Variants in USP10 observed in about 807,000 individuals in gnomAD.
The protein encoded by USP10 is ubiquitin specific peptidase 10, also known as ubiquitin carboxyl-terminal hydrolase 10.
USP10 carries 22 observed loss-of-function variants against 84.5 expected under a neutral mutation model. The observed-to-expected ratio is 0.26, with a 90% CI of 0.19 to 0.37. The LOEUF (loss-of-function observed/expected upper bound fraction) is 0.37, where lower values mean the gene tolerates loss of function less well. Ranked by LOEUF, USP10 falls within the 10% of genes least tolerant of loss-of-function variation. The pLI, the probability that USP10 is intolerant of heterozygous loss-of-function variation, is 1.00. For synonymous variants in USP10, 454 were observed against 387.6 expected (o/e 1.17, Z -2.01); for missense variants, 1,019 against 998.9 (o/e 1.02, Z -0.27).
intron 1 of USP10, chr16:84,705,010 G>A: frequency 8.8e-7 from 1 of 1,137,094 alleles, no homozygotes; most frequent in Non-Finnish European, 1.2e-6. Context: ...AATGGTGGCT[G>A]CTCCTAAGAG....
intron 2 of USP10, among the ~76,000 whole-genome samples, chr16:84,733,937 A>G (rs191317003): frequency 1.2e-4 from 19 of 152,314 alleles, no homozygotes; most frequent in African/African-American, 4.1e-4. Context: ...CTAACGTTGT[A>G]TTCTTTATGC....
intron 1 of USP10, among the ~76,000 whole-genome samples, chr16:84,701,502 T>G (rs1159094264): frequency 6.6e-6 from 1 of 152,222 alleles, no homozygotes; most frequent in Non-Finnish European, 1.5e-5. Flanking sequence ...GATATTTGCT[T>G]TTTTCTCAAC....
At chr16:84,756,445 T>C (rs1484804524) in intron 4 of USP10, among the ~76,000 whole-genome samples, 1 of 152,024 alleles carries the variant, frequency 6.6e-6, no homozygotes, top group East Asian at 1.9e-4. Flanking sequence ...ATACAAAAAT[T>C]AGCCGGGCGT....
chr16:84,767,348 A>T (rs1347237280), intron 10 of USP10, among the ~76,000 whole-genome samples: 4 of 152,200 alleles, frequency 2.6e-5, no homozygotes, highest in Non-Finnish European at 4.4e-5. Flanking sequence ...GAAAAAAAAA[A>T]TGAAATGAAA....
At chr16:84,745,707 A>G in intron 4 of USP10, 34 bp downstream of exon 4, 1 of 1,566,522 alleles carries the variant, frequency 6.4e-7, no homozygotes, top group Non-Finnish European at 8.7e-7. Context: ...TAGAGTGAAG[A>G]TGGGAGCAGA....
chr16:84,750,612 G>A (rs1403419581), intron 4 of USP10, among the ~76,000 whole-genome samples: 1 of 152,040 alleles, frequency 6.6e-6, no homozygotes, highest in Admixed American at 6.6e-5. Flanking sequence ...CTTTTCCTGG[G>A]TCTTTACTAA....
intron 13 of USP10, among the ~76,000 whole-genome samples, 195 bp from the exon 14 acceptor site, chr16:84,778,700 A>G (rs1409189062): frequency 6.6e-6 from 1 of 152,176 alleles, no homozygotes; most frequent in African/African-American, 2.4e-5. Flanking sequence ...CAGTTATAGA[A>G]AAGTTTTTAT....
At position 84,772,625 on chromosome 16, in the gene USP10, G is replaced by C. The variant is rs1382131376; in HGVS notation, c.2083G>C (p.Gly695Arg). 1 of 1,613,884 alleles carries C rather than the reference G, an allele frequency of 6.2e-7. No individual in the cohort carries two copies. Among genetic ancestry groups the C allele is most frequent in the Admixed American group, 1.7e-5 (1 of 60,004 alleles). ...HLKRFVYEKT[G>R]GCQKLIKNIE... ...GAAACGATTCGTTTATGAGAAGACT[G>C]GTGGGTGCCAGAAGCTTATCAAAAA... Residue 695 changes from glycine to arginine, a missense_variant, in exon 12 of 14, where the codon GGT becomes CGT. By Grantham distance (125) the Gly-to-Arg change is moderately radical. This residue lies in a region of USP10 where 232 missense variants were observed against 290.1 expected (regional missense o/e 0.80). Coordinates refer to ENST00000219473, the MANE Select transcript of USP10 (RefSeq NM_005153.3).
intron 1 of USP10, among the ~76,000 whole-genome samples, chr16:84,719,124 C>T (rs1271175956): frequency 6.6e-6 from 1 of 152,030 alleles, no homozygotes; most frequent in African/African-American, 2.4e-5. Flanking sequence ...TTGTTTTTGC[C>T]TTTATTAACT....
chr16:84,746,567 T>C (rs1911250684), intron 4 of USP10, among the ~76,000 whole-genome samples: 1 of 152,162 alleles, frequency 6.6e-6, no homozygotes, highest in Admixed American at 6.5e-5. Flanking sequence ...AGAAAAAATA[T>C]AGTACAGATA....
chr16:84,702,993 C>CAAAAAAAAAAA lies in USP10; in HGVS notation c.21+2892_21+2902dup, dbSNP rs1157728872. Among the ~76,000 whole-genome samples, 166 of 52,036 alleles carry CAAAAAAAAAAA rather than the reference C, an allele frequency of 3.2e-3. 8 individuals are homozygous for CAAAAAAAAAAA. Among genetic ancestry groups the CAAAAAAAAAAA allele is most frequent in the African/African-American group, 0.012 (136 of 11,626 alleles). The allele number at this position is 52,036 out of a possible 152,430, so 34.1% of individuals were successfully genotyped here. ...GGGCGACAGAGCAAGACTCCCGTCT[C>CAAAAAAAAAAA]AAAAAAAAAAAAAAAAAAAAGAGCG... On this transcript the variant is annotated intron_variant, in intron 1 of 13. Transcript: ENST00000219473.
chr16:84,739,538 G>C (rs1238133867), intron 2 of USP10, among the ~76,000 whole-genome samples: 1 of 152,088 alleles, frequency 6.6e-6, no homozygotes, highest in Admixed American at 6.5e-5. Context: ...CTCCCTCATT[G>C]CTGGGATTAC....
intron 1 of USP10, among the ~76,000 whole-genome samples, chr16:84,724,904 C>T (rs16974453): frequency 0.19 from 29,580 of 152,186 alleles, 3,506 homozygotes; most frequent in East Asian, 0.37. Flanking sequence ...AAGTTGAAAG[C>T]ACACAATGAT....
chr16:84,736,393 G>T (rs1187678939), intron 2 of USP10, among the ~76,000 whole-genome samples: 1 of 152,214 alleles, frequency 6.6e-6, no homozygotes, highest in Non-Finnish European at 1.5e-5. Flanking sequence ...TTGTCTTTTA[G>T]TTTGCTTGCT....
intron 2 of USP10, among the ~76,000 whole-genome samples, chr16:84,735,049 G>A (rs961875428): frequency 2.7e-5 from 4 of 148,762 alleles, no homozygotes; most frequent in Admixed American, 2.7e-4. Flanking sequence ...TCTTTTTTTC[G>A]AGACAGGGTC....
chr16:84,701,183 T>A (rs1210794706), intron 1 of USP10, among the ~76,000 whole-genome samples: 1 of 152,244 alleles, frequency 6.6e-6, no homozygotes, highest in African/African-American at 2.4e-5. Flanking sequence ...CTACACCTCT[T>A]TTGAAACATG....
chr16:84,700,476 G>A (rs912885168), intron 1 of USP10, among the ~76,000 whole-genome samples: 1 of 152,048 alleles, frequency 6.6e-6, no homozygotes, highest in Non-Finnish European at 1.5e-5. Flanking sequence ...CGGCCCGGGG[G>A]CTCCGGGAGT....
chr16:84,722,962 G>A (rs1487360240), intron 1 of USP10, among the ~76,000 whole-genome samples: 1 of 152,132 alleles, frequency 6.6e-6, no homozygotes, highest in African/African-American at 2.4e-5. Flanking sequence ...CAAATAGGTG[G>A]TTCTTAGTGA....
intron 3 of USP10, among the ~76,000 whole-genome samples, chr16:84,740,933 A>G (rs1910548499): frequency 6.6e-6 from 1 of 152,230 alleles, no homozygotes; most frequent in Admixed American, 6.5e-5. Flanking sequence ...ATGATTTTGT[A>G]TTGCTTAAGT....
Sources: gnomAD v4.1 joint callset for allele counts (sites outside exome capture counted in the v4.1 genomes callset) on GRCh38, gnomAD v4.1.1 for gene constraint, gnomAD v4.1.1 regional missense constraint, MANE v1.5 for transcripts, NCBI Gene and HGNC (gene_info 2026-07-23, HGNC 2026-07-21) for gene names.